QTMAN: variants seen among roughly 807,000 people sequenced by gnomAD.
QTMAN encodes the protein queuosine-tRNA mannosyltransferase.
the QTMAN span, among the ~76,000 whole-genome samples, chr2:144,168,863 C>T: frequency 1.3e-5 from 2 of 151,950 alleles, no homozygotes; most frequent in African/African-American, 4.8e-5. Context: ...AGTTATTCAT[C>T]CCTTAGAATC....
At chr2:144,318,620 T>C in the QTMAN span, among the ~76,000 whole-genome samples, 1 of 152,232 alleles carries the variant, frequency 6.6e-6, no homozygotes, top group Non-Finnish European at 1.5e-5. Flanking sequence ...CCTAGCAGGA[T>C]GGCGATGTTA....
chr2:144,064,981 A>C, the QTMAN span, among the ~76,000 whole-genome samples: 1 of 152,324 alleles, frequency 6.6e-6, no homozygotes, highest in East Asian at 1.9e-4. Context: ...AAGGGCCAAC[A>C]CATGAAATGA....
chr2:144,316,113 T>C, the QTMAN span, among the ~76,000 whole-genome samples: 3 of 152,122 alleles, frequency 2.0e-5, no homozygotes, highest in Non-Finnish European at 4.4e-5. Flanking sequence ...TATTATCACA[T>C]GCCTGTGGTC....
chr2:144,102,176 T>G, the QTMAN span, among the ~76,000 whole-genome samples: 11 of 152,346 alleles, frequency 7.2e-5, no homozygotes, highest in Non-Finnish European at 1.5e-4. Context: ...TTTTTTCCAT[T>G]ACAATATGGG....
the QTMAN span, among the ~76,000 whole-genome samples, chr2:144,084,272 T>C: frequency 6.6e-6 from 1 of 152,240 alleles, no homozygotes; most frequent in East Asian, 1.9e-4. Context: ...TAAGCTATCT[T>C]TCTTTTGCTT....
chr2:144,170,397 T>C, the QTMAN span, among the ~76,000 whole-genome samples: 1 of 152,166 alleles, frequency 6.6e-6, no homozygotes, highest in African/African-American at 2.4e-5. Context: ...ATCATTTTCA[T>C]GCTAGTTCCC....
At chr2:144,045,711 A>G in the QTMAN span, among the ~76,000 whole-genome samples, 16 of 152,328 alleles carry the variant, frequency 1.1e-4, no homozygotes, top group East Asian at 3.1e-3. Context: ...AACTTAATGT[A>G]ACAGGGCTAT....
At chr2:144,298,728 G>C in the QTMAN span, among the ~76,000 whole-genome samples, 2 of 152,156 alleles carry the variant, frequency 1.3e-5, no homozygotes, top group African/African-American at 4.8e-5. Context: ...GAGAGGTCAG[G>C]CATATAAGAC....
chr2:143,998,628 G>A, the QTMAN span, among the ~76,000 whole-genome samples: 13 of 151,914 alleles, frequency 8.6e-5, no homozygotes, highest in African/African-American at 3.1e-4. Flanking sequence ...GTTTCAAAAC[G>A]ACTTAACACC....
At chr2:143,992,650 A>G in the QTMAN span, among the ~76,000 whole-genome samples, 1 of 152,210 alleles carries the variant, frequency 6.6e-6, no homozygotes, top group Non-Finnish European at 1.5e-5. Flanking sequence ...ATACTCAAAC[A>G]ATAACTGGGA....
At chr2:144,218,286 A>C in the QTMAN span, among the ~76,000 whole-genome samples, 1 of 152,202 alleles carries the variant, frequency 6.6e-6, no homozygotes, top group Admixed American at 6.5e-5. Context: ...CAATCTAAGG[A>C]AAATTGTCTG....
the QTMAN span, among the ~76,000 whole-genome samples, chr2:144,256,659 A>G: frequency 6.6e-6 from 1 of 152,126 alleles, no homozygotes; most frequent in South Asian, 2.1e-4. Flanking sequence ...AAAAGAACAC[A>G]TAGACACAGG....
the QTMAN span, among the ~76,000 whole-genome samples, chr2:144,157,793 A>G: frequency 6.6e-6 from 1 of 151,790 alleles, no homozygotes; most frequent in Non-Finnish European, 1.5e-5. Context: ...ATAACTATAT[A>G]TATGTATGGT....
chr2:144,184,139 TA>T, the QTMAN span, among the ~76,000 whole-genome samples: 4 of 152,216 alleles, frequency 2.6e-5, no homozygotes, highest in African/African-American at 7.2e-5. Flanking sequence ...AGTTTTTTAT[TA>T]TTTTTTTTTA....
At chr2:143,957,349 A>AG in the QTMAN span, 5 of 1,558,764 alleles carry the variant, frequency 3.2e-6, no homozygotes, top group East Asian at 4.5e-5. Flanking sequence ...TCTTTTAAAA[A>AG]CAAGAAAAAG....
At chr2:144,286,138 C>G in the QTMAN span, among the ~76,000 whole-genome samples, 1 of 152,188 alleles carries the variant, frequency 6.6e-6, no homozygotes, top group African/African-American at 2.4e-5. Context: ...TATCCAACCA[C>G]CGTAGGTGTG....
the QTMAN span, among the ~76,000 whole-genome samples, chr2:144,015,759 T>C: frequency 6.6e-6 from 1 of 152,176 alleles, no homozygotes; most frequent in African/African-American, 2.4e-5. Flanking sequence ...CTCAAGTTAC[T>C]CCACTCAAGC....
chr2:144,322,312 A>G, the QTMAN span, among the ~76,000 whole-genome samples: 1 of 152,208 alleles, frequency 6.6e-6, no homozygotes, highest in Middle Eastern at 3.2e-3. Context: ...GTAATGATCA[A>G]CATTCACCGT....
the QTMAN span, among the ~76,000 whole-genome samples, chr2:144,092,596 TTA>T: frequency 6.6e-6 from 1 of 152,168 alleles, no homozygotes; most frequent in Non-Finnish European, 1.5e-5. Context: ...AGCAATAGTT[TTA>T]GTCATTTTGA....
Sources: gnomAD v4.1 joint callset for allele counts (sites outside exome capture counted in the v4.1 genomes callset) on GRCh38, gnomAD v4.1.1 for gene constraint, MANE v1.5 for transcripts, NCBI Gene and HGNC (gene_info 2026-07-23, HGNC 2026-07-21) for gene names.